VILL: variants seen among roughly 807,000 people sequenced by gnomAD.
VILL encodes villin-like protein.
VILL carries 102 observed loss-of-function variants against 106.3 expected under a neutral mutation model. The observed-to-expected ratio is 0.96, with a 90% CI of 0.82 to 1.13. The LOEUF (loss-of-function observed/expected upper bound fraction) is 1.13. VILL is among the 50% of genes most tolerant of loss of function. VILL has a pLI of 0.00. For synonymous variants in VILL, 431 were observed against 440.3 expected, an observed-to-expected ratio of 0.98 and a Z score of 0.27; for missense variants, 1,076 against 1,116.6, an observed-to-expected ratio of 0.96 and a Z score of 0.52.
At chr3:37,990,215 GA>G (rs1699592913), upstream of VILL, among the ~76,000 whole-genome samples, 1 of 152,208 alleles carries the variant, frequency 6.6e-6, no homozygotes. This position sits in a 1 kb window ranked among gnomAD's most constrained non-coding sequence, Gnocchi z 5.1. Context: ...GCAAGAGCTG[GA>G]CTGGCCTCTC....
Position 37,998,987 on chromosome 3 carries a change from T to C in VILL, c.1018T>C (p.Phe340Leu). 1 of 1,609,226 alleles carries C rather than the reference T, an allele frequency of 6.2e-7. No individual in the cohort carries two copies. Among genetic ancestry groups the C allele is most frequent in the Middle Eastern group, 1.7e-4 (1 of 6,042 alleles). Residue 340 changes from phenylalanine to leucine, a missense_variant, in exon 10 of 20, where the codon TTC (phenylalanine) becomes CTC (leucine). Transcript: ENST00000383759. The surrounding 1 kb of genome is among the most constrained non-coding windows in gnomAD (Gnocchi z 4.1). ...GAACGACGGCGCCGAGTCGGCCGCG[T>C]TCAAGCAGCTCTTCCGGACTTGGTC... ...VVNDGAESAA[F>L]KQLFRTWSEK...
chr3:37,994,159 C>T lies in VILL; in HGVS notation c.136-102C>T, dbSNP rs368761836. ...TCCCACTTCCTGATCTCCGCGGAAG[C>T]CCCTGCCTAGCGTCTCCCCATGGCC... On this transcript the variant is annotated intron_variant, in intron 3 of 19. Coordinates refer to ENST00000383759, the MANE Select transcript of VILL (RefSeq NM_015873.4). The T allele has an allele frequency of 1.6e-5, 23 of 1,456,558 alleles. No homozygotes were observed. In the East Asian group the frequency reaches 1.7e-4, roughly 11 times the overall value. 90.2% of individuals were successfully genotyped at this position (1,456,558 alleles called of 1,614,324 possible).
At chr3:37,988,733 A>G (rs1699577015), upstream of VILL, among the ~76,000 whole-genome samples, 1 of 152,164 alleles carries the variant, frequency 6.6e-6, no homozygotes, top group South Asian at 2.1e-4. Flanking sequence ...GTGGTGGTGC[A>G]TGCCTGTAAT....
chr3:38,006,755 G>C, intron 19 of VILL, 55 bp downstream of exon 19: 2 of 1,555,252 alleles, frequency 1.3e-6, no homozygotes, highest in South Asian at 1.2e-5. Context: ...AGCTGGAGGA[G>C]CCCAAGGCAG....
chr3:37,989,781 TGA>T (rs1290275155), upstream of VILL, among the ~76,000 whole-genome samples: 1 of 151,910 alleles, frequency 6.6e-6, no homozygotes, highest in African/African-American at 2.4e-5. Flanking sequence ...GGCACACACA[TGA>T]GGTCGGACAG....
At chr3:38,002,693 G>C (rs904050492) in intron 14 of VILL, 118 bp downstream of exon 14, 1 of 1,206,212 alleles carries the variant, frequency 8.3e-7, no homozygotes, top group Non-Finnish European at 1.2e-6. Context: ...CCGATGGGGG[G>C]AATGGGGAGG....
At chr3:38,005,082 G>A (rs920358534) in intron 16 of VILL, among the ~76,000 whole-genome samples, 1 of 152,106 alleles carries the variant, frequency 6.6e-6, no homozygotes, top group Non-Finnish European at 1.5e-5. Context: ...GTCTGGCTGT[G>A]TGGCGATGGA....
chr3:37,997,309 A>G lies in VILL; in HGVS notation c.561+122A>G. On this transcript the variant is annotated intron_variant, in intron 6 of 19. Coordinates refer to ENST00000383759, the MANE Select transcript of VILL (RefSeq NM_015873.4). The surrounding 1 kb of genome is among the most constrained non-coding windows in gnomAD (Gnocchi z 4.7). ...CTCTGCTACAACCCAAGAAACGCCT[A>G]TGAGTTACAAGCTGAGTTCAGACCC... 2.5e-6 allele frequency: 3 copies of G among 1,205,120 alleles called. No individual in the cohort carries two copies. Among genetic ancestry groups the G allele is most frequent in the East Asian group, 2.5e-5 (1 of 40,804 alleles). The allele number at this position is 1,205,120 out of a possible 1,614,324, so 74.7% of individuals were successfully genotyped here. A position where few individuals can be genotyped will look rare whatever the true frequency, so the allele number is the denominator to read the frequency against.
At chr3:38,000,743 G>A (rs1482269865) in intron 11 of VILL, among the ~76,000 whole-genome samples, 1 of 152,198 alleles carries the variant, frequency 6.6e-6, no homozygotes, top group African/African-American at 2.4e-5. Flanking sequence ...TGAAAGACAG[G>A]GCTCTGGCTG....
chr3:37,995,268 G>C (rs1346948008), intron 4 of VILL, among the ~76,000 whole-genome samples: 1 of 152,218 alleles, frequency 6.6e-6, no homozygotes, highest in Non-Finnish European at 1.5e-5. Flanking sequence ...ATTTCATACA[G>C]TTGAACCTAT....
chr3:38,002,163 C>T, intron 13 of VILL: 1 of 634,894 alleles, frequency 1.6e-6, no homozygotes, highest in Non-Finnish European at 2.7e-6. Context: ...ATGCCCCAAC[C>T]ACTCAGAGAT....
chr3:37,997,770 G>A lies in VILL; in HGVS notation c.764+85G>A. On this transcript the variant is annotated intron_variant, in intron 7 of 19. Coordinates refer to ENST00000383759, the MANE Select transcript of VILL (RefSeq NM_015873.4). The surrounding 1 kb of genome is among the most constrained non-coding windows in gnomAD (Gnocchi z 4.7). ...CTACTGCAATAACACGGCATCTCTA[G>A]AAGGCCCTCCAGCAAAGGCTGCTGG... The A allele has an allele frequency of 7.0e-7, 1 of 1,436,374 alleles. No homozygotes were observed. The highest frequency in any genetic ancestry group is 9.4e-7 in the Non-Finnish European group (1 of 1,066,352). The allele number at this position is 1,436,374 out of a possible 1,614,324, so 89.0% of individuals were successfully genotyped here.
chr3:37,994,509 G>A lies in VILL; in HGVS notation c.341+43G>A, dbSNP rs375573950. ...CGGGGCAGGAGGGAGCCGTGGAGGC[G>A]GTGCCTTGGCTGGGGCAGTCTTGGG... On this transcript the variant is annotated intron_variant, in intron 4 of 19. Transcript: ENST00000383759. 5.3e-4 allele frequency: 847 copies of A among 1,591,966 alleles called. 4 individuals are homozygous for A. The African/African-American group carries it at 5.5e-3, about 10-fold the overall frequency.
In VILL at chr3:38,001,587, A is replaced by G. The variant is rs1437291183; in HGVS notation, c.1314A>G (p.Leu438=). The change falls in exon 12 of 20, where the codon CTA becomes CTG. Residue 438 remains leucine (L), a synonymous_variant. Coordinates refer to ENST00000383759, the MANE Select transcript of VILL (RefSeq NM_015873.4). ...GCCGTGTCCAGTACATCCTGTACCT[A>G]TGGCAGGTGTGCCAGCCTGAGGGAG... ...RLGRVQYILY[L]WQGHQATADE... 5.0e-6 allele frequency: 8 copies of G among 1,613,958 alleles called. No individual in the cohort carries two copies. Among genetic ancestry groups the G allele is most frequent in the African/African-American group, 1.3e-5 (1 of 74,942 alleles).
rs75449732 is a variant in VILL at position 38,004,360 on chromosome 3, G to C, written c.1911G>C (p.Leu637=). 2 of 1,613,384 alleles carry C rather than the reference G, an allele frequency of 1.2e-6. No homozygotes were observed. The highest frequency in any genetic ancestry group is 3.3e-5 in the Admixed American group (2 of 60,004). Residue 637 remains leucine, a synonymous_variant, in exon 16 of 20, where the codon CTG becomes CTC. Coordinates refer to ENST00000383759, the MANE Select transcript of VILL (RefSeq NM_015873.4). The part of the protein sequence containing the change: ...AEVGFFSQED[L]DKYDIMLLDT... ...TGGGGTTCTTCAGCCAGGAGGACCT[G>C]GACAAGTATGACATCATGTTACTGG... is the stretch of plus-strand genomic sequence containing the variant.
chr3:37,992,995 T>C (rs748938159), intron 1 of VILL, among the ~76,000 whole-genome samples: 7 of 152,200 alleles, frequency 4.6e-5, no homozygotes, highest in Non-Finnish European at 1.0e-4. Context: ...AGGGTCACCC[T>C]GAGTGAGAGA....
Position 38,005,980 on chromosome 3 carries a change from T to C in VILL, c.2133+6T>C, listed in dbSNP as rs1469581664. On this transcript the variant is annotated splice_donor_region_variant and intron_variant, in intron 17 of 19. Coordinates refer to ENST00000383759, the MANE Select transcript of VILL (RefSeq NM_015873.4). ...GGGACCCCTACAAGTGGACTGTGAG[T>C]GAGGCCTGAAACCCCCAGCCCTACC... 1.2e-6 allele frequency: 2 copies of C among 1,607,462 alleles called. No individual in the cohort carries two copies.
chr3:37,991,131 T>C (rs554693252), intron 1 of VILL: 1 of 152,296 alleles, frequency 6.6e-6, no homozygotes, highest in Admixed American at 6.5e-5. Flanking sequence ...CCCCTCACTC[T>C]AGAGGGCGGC....
At chr3:37,990,451 C>G (rs557220440), upstream of VILL, among the ~76,000 whole-genome samples, 22 of 152,278 alleles carry the variant, frequency 1.4e-4, no homozygotes, top group African/African-American at 5.3e-4. The surrounding 1 kb of genome is among the most constrained non-coding windows in gnomAD (Gnocchi z 5.1). Flanking sequence ...GCCCACCACT[C>G]CGGGTGAGGG....
Sources: allele counts gnomAD v4.1 joint callset (sites outside exome capture counted in the v4.1 genomes callset), GRCh38; gene constraint gnomAD v4.1.1; non-coding constraint Gnocchi (gnomAD v3.1); transcripts MANE v1.5; gene names NCBI Gene and HGNC (gene_info 2026-07-23, HGNC 2026-07-21).